The following CDYL variants were observed in gnomAD, a reference collection of about 807,000 sequenced individuals.
CDYL encodes chromodomain Y-like protein.
A neutral mutation model predicts 47.3 loss-of-function variants in CDYL; 8 were observed. The observed-to-expected ratio is 0.17, with a 90% CI of 0.10 to 0.31. The LOEUF (loss-of-function observed/expected upper bound fraction) is 0.31. CDYL is among the 10% of genes least tolerant of loss of function. The pLI is 1.00. For missense variants in CDYL, 471 were observed against 701.4 expected (o/e 0.67, Z 3.71); for synonymous variants, 266 against 265.0 (o/e 1.00, Z -0.04).
chr6:4,787,836 G>T (rs562061115), intron 1 of CDYL, among the ~76,000 whole-genome samples: 2 of 132,450 alleles, frequency 1.5e-5, no homozygotes, highest in African/African-American at 2.8e-5. Context: ...GCAATGGCAC[G>T]ATCTCGGCTC....
intron 1 of CDYL, chr6:4,889,862 G>T (rs552998169): frequency 1.0e-5 from 6 of 579,958 alleles, no homozygotes; most frequent in African/African-American, 1.0e-4. Flanking sequence ...CACACCTACC[G>T]TTAGCTGCGG....
At chr6:4,794,472 G>T (rs555051540) in intron 1 of CDYL, among the ~76,000 whole-genome samples, 1 of 152,096 alleles carries the variant, frequency 6.6e-6, no homozygotes, top group African/African-American at 2.4e-5. Context: ...GCGACTCCTC[G>T]GAAGGGTTTC....
At chr6:4,923,143 G>A (rs999494321) in intron 2 of CDYL, among the ~76,000 whole-genome samples, 7 of 152,104 alleles carry the variant, frequency 4.6e-5, no homozygotes, top group Admixed American at 1.3e-4. Flanking sequence ...TAGTCACTCT[G>A]CAGTGCCATA....
intron 5 of CDYL, among the ~76,000 whole-genome samples, chr6:4,946,952 C>T (rs1381721349): frequency 1.3e-5 from 2 of 152,218 alleles, no homozygotes; most frequent in African/African-American, 2.4e-5. Flanking sequence ...GCCATCCCAG[C>T]AGCCAGGTCA....
At chr6:4,879,381 G>C (rs544366486) in intron 1 of CDYL, among the ~76,000 whole-genome samples, 1 of 152,198 alleles carries the variant, frequency 6.6e-6, no homozygotes, top group Admixed American at 6.5e-5. Context: ...GGTTGTTATA[G>C]CATCTTAATA....
chr6:4,713,334 T>G (rs1452213224), intron 1 of CDYL, among the ~76,000 whole-genome samples: 1 of 152,044 alleles, frequency 6.6e-6, no homozygotes, highest in African/African-American at 2.4e-5. Context: ...AGGAGGATCC[T>G]GGAGCCATAA....
intron 1 of CDYL, among the ~76,000 whole-genome samples, chr6:4,853,359 CAT>C: frequency 6.6e-6 from 1 of 152,322 alleles, no homozygotes; most frequent in Non-Finnish European, 1.5e-5. Context: ...AAGAAGGTAA[CAT>C]AACTTATCCA....
Position 4,804,058 on chromosome 6 carries a change from C to G in CDYL, c.24+27251C>G, listed in dbSNP as rs142060029. On this transcript the variant is annotated intron_variant, in intron 1 of 6. Coordinates refer to ENST00000397588, the MANE Select transcript of CDYL (RefSeq NM_004824.4). ...GCCGTGCATGTTTTAAGAGTTTGCTCTCTTTAGGAAACCAGTCAAGGTCCA... is the reference window on the plus strand; with the variant it reads ...GCCGTGCATGTTTTAAGAGTTTGCTGTCTTTAGGAAACCAGTCAAGGTCCA... Among the ~76,000 whole-genome samples the G allele has an allele frequency of 5.7e-4, 84 of 147,986 alleles. 1 individual carries two copies. The highest frequency in any genetic ancestry group is 2.0e-3 in the African/African-American group (81 of 39,862).
chr6:4,905,936 G>A (rs1261906593), intron 2 of CDYL, among the ~76,000 whole-genome samples: 1 of 152,134 alleles, frequency 6.6e-6, no homozygotes, highest in South Asian at 2.1e-4. Context: ...TTCTTACATA[G>A]GACCTTTCTA....
At chr6:4,710,705 C>CTCCCGTCTTTATTCTT (rs1757136329) in intron 1 of CDYL, among the ~76,000 whole-genome samples, 1 of 152,138 alleles carries the variant, frequency 6.6e-6, no homozygotes, top group Admixed American at 6.5e-5. Flanking sequence ...TCTTTATTCT[C>CTCCCGTCTTTATTCTT]TGCTCCTTGT....
intron 2 of CDYL, among the ~76,000 whole-genome samples, chr6:4,900,350 A>G (rs1345829664): frequency 1.3e-5 from 2 of 152,196 alleles, no homozygotes; most frequent in African/African-American, 4.8e-5. Context: ...AGTACAAGAA[A>G]TACCCATATA....
intron 1 of CDYL, among the ~76,000 whole-genome samples, chr6:4,715,407 CATG>C (rs1444145235): frequency 2.0e-5 from 3 of 152,224 alleles, no homozygotes; most frequent in Non-Finnish European, 4.4e-5. Flanking sequence ...CTTCCAACCT[CATG>C]ATAAGTATCA....
chr6:4,723,412 C>G (rs963590552), intron 2 of CDYL, among the ~76,000 whole-genome samples: 4 of 152,064 alleles, frequency 2.6e-5, no homozygotes, highest in Admixed American at 6.6e-5. Context: ...ACGGACAGTA[C>G]AGCCAAACTG....
At position 4,802,238 on chromosome 6, in the gene CDYL, A is replaced by G. The variant is rs192620802; in HGVS notation, c.24+25431A>G. On this transcript the variant is annotated intron_variant, in intron 1 of 6. Transcript: ENST00000397588. ...TGCAAATACTACCTTTAGATCATTG[A>G]AAAAAAAATCACTAATTAGCTTGGC... is the stretch of plus-strand genomic sequence containing the variant. Among the ~76,000 whole-genome samples, 67 of 108,748 alleles carry G rather than the reference A, an allele frequency of 6.2e-4. No individual in the cohort carries two copies. In the East Asian group the frequency reaches 0.016, roughly 26 times the overall value. 71.3% of individuals were successfully genotyped at this position (108,748 alleles called of 152,430 possible).
intron 1 of CDYL, among the ~76,000 whole-genome samples, chr6:4,810,927 G>C (rs769820400): frequency 1.3e-5 from 2 of 152,188 alleles, no homozygotes; most frequent in Non-Finnish European, 2.9e-5. Context: ...AATTTTGGGG[G>C]ACACAAATAT....
chr6:4,929,003 A>G (rs1457340929), intron 2 of CDYL, among the ~76,000 whole-genome samples: 1 of 152,122 alleles, frequency 6.6e-6, no homozygotes. Context: ...GTGCAGGTTC[A>G]TTTTTACCCA....
chr6:4,860,546 T>C (rs1761136355), intron 1 of CDYL, among the ~76,000 whole-genome samples: 1 of 147,864 alleles, frequency 6.8e-6, no homozygotes, highest in East Asian at 1.9e-4. Flanking sequence ...ATATCATGTA[T>C]ATATTACATA....
At chr6:4,746,334 A>G (rs1484356843) in intron 3 of CDYL, among the ~76,000 whole-genome samples, 1 of 150,054 alleles carries the variant, frequency 6.7e-6, no homozygotes, top group African/African-American at 2.5e-5. Context: ...ATTGCACTTC[A>G]GCCTGGGTGA....
rs1309170289 is a variant in CDYL, at chr6:4,954,075, G to T, written c.*19G>T. Reference sequence around the variant, plus strand: ...GTTCTGAGTGTCGGGCTGCCCACTGGTGACACCGGGATCGGGCTGAGCAGG... The same window carrying T: ...GTTCTGAGTGTCGGGCTGCCCACTGTTGACACCGGGATCGGGCTGAGCAGG... On this transcript the variant is annotated 3_prime_UTR_variant, in exon 7 of 7. Coordinates refer to ENST00000397588, the MANE Select transcript of CDYL (RefSeq NM_004824.4). 1.2e-6 allele frequency: 2 copies of T among 1,609,666 alleles called. No individual in the cohort carries two copies. Among genetic ancestry groups the T allele is most frequent in the Non-Finnish European group, 1.7e-6 (2 of 1,177,178 alleles).
Sources: gnomAD v4.1 joint callset for allele counts (sites outside exome capture counted in the v4.1 genomes callset) on GRCh38, gnomAD v4.1.1 for gene constraint, MANE v1.5 for transcripts, NCBI Gene and HGNC (gene_info 2026-07-23, HGNC 2026-07-21) for gene names.